The following SMARCC2 variants were observed in gnomAD, a reference collection of about 807,000 sequenced individuals.
SMARCC2 encodes SWI/SNF complex subunit SMARCC2.
In SMARCC2, 15 loss-of-function variants were observed where a neutral mutation model predicts 151.3. The observed-to-expected ratio is 0.10, with a 90% CI of 0.07 to 0.15. The LOEUF (loss-of-function observed/expected upper bound fraction) is 0.15. Among genes scored for constraint, SMARCC2 ranks in the 10% least tolerant of loss-of-function variants. SMARCC2 has a pLI of 1.00. For missense variants in SMARCC2, 1,031 were observed against 1,599.7 expected (o/e 0.64, Z 6.06); for synonymous variants, 590 against 609.5 (o/e 0.97, Z 0.47).
rs1324628399 is a variant in SMARCC2, at chr12:56,169,631, C to T, written c.2613G>A (p.Glu871=). The T allele has an allele frequency of 1.2e-6, 2 of 1,614,070 alleles. No homozygotes were observed. Among genetic ancestry groups the T allele is most frequent in the Non-Finnish European group, 1.7e-6 (2 of 1,179,954 alleles). Reference sequence around the variant, plus strand: ...CCTTTGTCTTCCTTTCCCCCTCAGACTCCACCACTTCCTTCAGCACTTCCT... The same window carrying T: ...CCTTTGTCTTCCTTTCCCCCTCAGATTCCACCACTTCCTTCAGCACTTCCT... ...GQEEVLKEVV[E]SEGERKTKVE... The change falls in exon 25 of 29, where the codon GAG becomes GAA. Residue 871 remains glutamate (E), a synonymous_variant. Coordinates refer to ENST00000550164, the MANE Select transcript of SMARCC2 (RefSeq NM_001330288.2).
At position 56,169,673 on chromosome 12, in the gene SMARCC2, C is replaced by T. The variant is rs764244157; in HGVS notation, c.2571G>A (p.Glu857=). Residue 857 remains glutamate (E), a synonymous_variant, in exon 25 of 29, where the codon GAG becomes GAA. Transcript: ENST00000550164. ...DPIVDPEKEK[E]PKEGQEEVLK... ...GCACTTCCTCCTGCCCTTCCTTTGG[C>T]TCCTTCTCCTTCTCAGGATCGACTG... 3 of 1,614,176 alleles carry T rather than the reference C, an allele frequency of 1.9e-6. No individual in the cohort carries two copies. Among genetic ancestry groups the T allele is most frequent in the Admixed American group, 1.7e-5 (1 of 60,014 alleles).
chr12:56,184,551 G>A, intron 5 of SMARCC2: 1 of 536,230 alleles, frequency 1.9e-6, no homozygotes, highest in Non-Finnish European at 3.3e-6. Flanking sequence ...GTTCCAAAGA[G>A]CAGGAATTTC....
rs1464794682 is a variant in SMARCC2, at chr12:56,171,730, C to A, written c.2134G>T (p.Ala712Ser). ...GCGACTCGGGGATCGACGACAGAGG[C>A]CAGGAAGGCAACAGTGCTCATAACA... ...NPVMSTVAFL[A>S]SVVDPRVASA... is the part of the protein sequence containing the mutation. The change falls in exon 21 of 29, where the codon GCC (alanine) becomes TCC (serine). Residue 712 changes from alanine to serine, a missense_variant. Physicochemically the swap from Ala to Ser is moderately conservative, Grantham distance 99 (BLOSUM62 1). Coordinates refer to ENST00000550164, the MANE Select transcript of SMARCC2 (RefSeq NM_001330288.2). This position sits in a 1 kb window ranked among gnomAD's most constrained non-coding sequence, Gnocchi z 4.2. 1.3e-6 allele frequency: 2 copies of A among 1,596,140 alleles called. No homozygotes were observed. The highest frequency in any genetic ancestry group is 1.8e-5 in the Admixed American group (1 of 57,000).
rs774637161 is a variant in SMARCC2 at position 56,178,388 on chromosome 12, T to G, written c.1310+16A>C. The G allele has an allele frequency of 1.2e-6, 2 of 1,614,100 alleles. No homozygotes were observed. The highest frequency in any genetic ancestry group is 1.1e-5 in the South Asian group (1 of 91,082). ...AGGGAAATAAGGACTCAGTGAGAAGTTGGGGACAACCATACCTATTGTAGT... is the reference window on the plus strand; with the variant it reads ...AGGGAAATAAGGACTCAGTGAGAAGGTGGGGACAACCATACCTATTGTAGT... On this transcript the variant is annotated intron_variant, in intron 14 of 28. Coordinates refer to ENST00000550164, the MANE Select transcript of SMARCC2 (RefSeq NM_001330288.2).
intron 26 of SMARCC2, among the ~76,000 whole-genome samples, chr12:56,167,661 T>C (rs906620707): frequency 6.6e-6 from 1 of 152,140 alleles, no homozygotes; most frequent in Admixed American, 6.6e-5. Context: ...GAGTCTACTA[T>C]GGGCCAAGCA....
rs866699611 is a variant in SMARCC2 at position 56,172,630 on chromosome 12, A to G, written c.1818T>C (p.Phe606=). 6 of 1,614,190 alleles carry G rather than the reference A, an allele frequency of 3.7e-6. No individual in the cohort carries two copies. The Middle Eastern group carries it at 8.2e-4, about 222-fold the overall frequency. The change falls in exon 19 of 29, where the codon TTT becomes TTC. Residue 606 remains phenylalanine, a synonymous_variant. Transcript: ENST00000550164. ...GKEKPTDMQN[F]GLRTDMYTKK... is the part of the protein sequence containing the mutation. Reference sequence around the variant, plus strand: ...TTGTGTACATGTCTGTGCGCAGCCCAAAGTTTTGCATGTCTGTTGGTTTCT... The same window carrying G: ...TTGTGTACATGTCTGTGCGCAGCCCGAAGTTTTGCATGTCTGTTGGTTTCT...
chr12:56,167,998 A>ACACG, intron 26 of SMARCC2, 62 bp downstream of exon 26: 2 of 1,325,722 alleles, frequency 1.5e-6, no homozygotes, highest in East Asian at 2.4e-5. Flanking sequence ...ACACACACAC[A>ACACG]CGCCCCTCCG....
At chr12:56,176,554 T>TGCAA (rs1344819414) in intron 15 of SMARCC2, among the ~76,000 whole-genome samples, 1 of 152,022 alleles carries the variant, frequency 6.6e-6, no homozygotes, top group Non-Finnish European at 1.5e-5. Context: ...CTCGGCTCAC[T>TGCAA]GCAAGCTCTG....
Position 56,165,421 on chromosome 12 carries a change from C to G in SMARCC2, c.3129G>C (p.Gln1043His). Residue 1043 changes from glutamine (Q) to histidine (H), a missense_variant, in exon 27 of 29, where the codon CAG (glutamine) becomes CAC (histidine). Coordinates refer to ENST00000550164, the MANE Select transcript of SMARCC2 (RefSeq NM_001330288.2). ...APPGSLGPSE[Q>H]IGQAGSTAGP... is the part of the protein sequence containing the mutation. ...CTGCAGTTGACCCTGCCTGCCCAAT[C>G]TGTTCAGAAGGGCCCAAACTTCCTG... The G allele has an allele frequency of 2.0e-6, 3 of 1,513,452 alleles. No homozygotes were observed. The highest frequency in any genetic ancestry group is 2.6e-6 in the Non-Finnish European group (3 of 1,133,046). The allele number at this position is 1,513,452 out of a possible 1,614,324, so 93.8% of individuals were successfully genotyped here.
rs752763876 is a variant in SMARCC2, at chr12:56,169,549, C to T, written c.2695G>A (p.Ala899Thr). 1.6e-5 allele frequency: 26 copies of T among 1,614,014 alleles called. No individual in the cohort carries two copies. Among genetic ancestry groups the T allele is most frequent in the Non-Finnish European group, 2.1e-5 (25 of 1,180,002 alleles). ...CTCACCTTAGCTTTCACTGCGGCGG[C>T]GGCCAGGGCGGCGGCAGCAGCGGTG... ...LSTAAAAALA[A>T]AAVKAKHLAA... is the part of the protein sequence containing the mutation. The change falls in exon 25 of 29, where the codon GCC becomes ACC. Residue 899 changes from alanine (A) to threonine (T), a missense_variant. Physicochemically the swap from Ala to Thr is moderately conservative, Grantham distance 58. This residue lies in a region of SMARCC2 where 49 missense variants were observed against 134.8 expected (regional missense o/e 0.36). Coordinates refer to ENST00000550164, the MANE Select transcript of SMARCC2 (RefSeq NM_001330288.2).
chr12:56,174,497 T>C, intron 16 of SMARCC2, 154 bp downstream of exon 16: 1 of 603,328 alleles, frequency 1.7e-6, no homozygotes, highest in South Asian at 2.1e-5. Flanking sequence ...ATCCCTCAAG[T>C]CATTCATTCC....
At chr12:56,179,457 T>G (rs556062904) in intron 11 of SMARCC2, among the ~76,000 whole-genome samples, 2 of 151,988 alleles carry the variant, frequency 1.3e-5, no homozygotes, top group African/African-American at 2.4e-5. Flanking sequence ...GGAGCAAACA[T>G]AGAGAAGAGA....
At position 56,171,593 on chromosome 12, in the gene SMARCC2, C is replaced by A; in HGVS notation, c.2185+86G>T. The A allele has an allele frequency of 2.7e-6, 4 of 1,506,710 alleles. No individual in the cohort carries two copies. Among genetic ancestry groups the A allele is most frequent in the Non-Finnish European group, 2.7e-6 (3 of 1,121,280 alleles). The allele number at this position is 1,506,710 out of a possible 1,614,324, so 93.3% of individuals were successfully genotyped here. A position where few individuals can be genotyped will look rare whatever the true frequency, so the allele number is the denominator to read the frequency against. On this transcript the variant is annotated intron_variant, in intron 21 of 28. Coordinates refer to ENST00000550164, the MANE Select transcript of SMARCC2 (RefSeq NM_001330288.2). This position sits in a 1 kb window ranked among gnomAD's most constrained non-coding sequence, Gnocchi z 4.2. The stretch of plus-strand genomic sequence containing the variant: ...CGCACAGACAAGGCCAGCAGGGCAG[C>A]CAAACTTGAGAGGATTCACAGTCTG...
chr12:56,187,220 T>C lies in SMARCC2; in HGVS notation c.198A>G (p.Lys66=), dbSNP rs149334203. ...TAGTGAGCGGTGCATTGCTGACATG[T>C]TTGCCAAAAACTTCTTCCTGAAATT... ...LLQFQEEVFG[K]HVSNAPLTKL... Residue 66 remains lysine (K), a synonymous_variant, in exon 2 of 29, where the codon AAA becomes AAG. Coordinates refer to ENST00000550164, the MANE Select transcript of SMARCC2 (RefSeq NM_001330288.2). 8.6e-5 allele frequency: 139 copies of C among 1,613,924 alleles called. No homozygotes were observed. Among genetic ancestry groups the C allele is most frequent in the Non-Finnish European group, 1.7e-5 (20 of 1,179,940 alleles).
chr12:56,180,560 C>T (rs1343707565), intron 11 of SMARCC2, among the ~76,000 whole-genome samples: 3 of 151,806 alleles, frequency 2.0e-5, no homozygotes, highest in Non-Finnish European at 2.9e-5. Context: ...CCCACCACCA[C>T]GCCCAGCTAA....
intron 2 of SMARCC2, chr12:56,186,960 C>T: frequency 2.3e-6 from 1 of 431,212 alleles, no homozygotes; most frequent in South Asian, 2.4e-5. Context: ...GGACTGATCC[C>T]AGGTACTCTG....
Position 56,185,261 on chromosome 12 carries a change from C to T in SMARCC2, c.318-150G>A, listed in dbSNP as rs928501686. The T allele has an allele frequency of 2.1e-5, 13 of 628,274 alleles. 1 individual carries two copies. In the Admixed American group the frequency reaches 2.6e-4, roughly 12 times the overall value. 38.9% of individuals were successfully genotyped at this position (628,274 alleles called of 1,614,324 possible). A position where few individuals can be genotyped will look rare whatever the true frequency, so the allele number is the denominator to read the frequency against. On this transcript the variant is annotated intron_variant, in intron 3 of 28. Coordinates refer to ENST00000550164, the MANE Select transcript of SMARCC2 (RefSeq NM_001330288.2). Reference sequence around the variant, plus strand: ...TGGCGCGATCCCGGCTCACTGCAACCTCTGCCTCCCAGGTTCAAGCAATTC... The same window carrying T: ...TGGCGCGATCCCGGCTCACTGCAACTTCTGCCTCCCAGGTTCAAGCAATTC...
At position 56,171,403 on chromosome 12, in the gene SMARCC2, G is replaced by A. The variant is rs1462895714; in HGVS notation, c.2215C>T (p.Pro739Ser). ...ACATGGGCCTCCACCAAGGCCGTGG[G>A]TACCTCTTCCTTCATTTTGGAGAAC... is the stretch of plus-strand genomic sequence containing the variant. ...EEFSKMKEEV[P>S]TALVEAHVRK... The change falls in exon 22 of 29, where the codon CCC becomes TCC. Residue 739 changes from proline (P) to serine (S), a missense_variant. Transcript: ENST00000550164. The surrounding 1 kb of genome is among the most constrained non-coding windows in gnomAD (Gnocchi z 4.2). 1 of 1,614,204 alleles carries A rather than the reference G, an allele frequency of 6.2e-7. No homozygotes were observed.
In SMARCC2 at chr12:56,186,021, G is replaced by A. The variant is rs561901126; in HGVS notation, c.317+134C>T. 151 of 690,750 alleles carry A rather than the reference G, an allele frequency of 2.2e-4. No individual in the cohort carries two copies. The African/African-American group carries it at 2.4e-3, about 11-fold the overall frequency. 42.8% of individuals were successfully genotyped at this position (690,750 alleles called of 1,614,324 possible). ...TCTGACTCCCAACCATCTTCCTGAC[G>A]TAGTAAGTCAGGTCTACTGACCCAG... On this transcript the variant is annotated intron_variant, in intron 3 of 28. Transcript: ENST00000550164.
Sources: allele counts gnomAD v4.1 joint callset (sites outside exome capture counted in the v4.1 genomes callset), GRCh38; gene constraint gnomAD v4.1.1; regional missense constraint gnomAD v4.1.1; non-coding constraint Gnocchi (gnomAD v3.1); transcripts MANE v1.5; gene names NCBI Gene and HGNC (gene_info 2026-07-23, HGNC 2026-07-21).